Variants in CCDC192 observed in about 807,000 individuals in gnomAD.
The protein encoded by CCDC192 is coiled-coil domain-containing protein 192.
intron 2 of CCDC192, among the ~76,000 whole-genome samples, chr5:127,724,341 T>A (rs984142678): frequency 2.6e-5 from 4 of 152,210 alleles, no homozygotes; most frequent in Non-Finnish European, 5.9e-5. Context: ...AACATCTATG[T>A]CTGTGGTGAC....
intron 6 of CCDC192, among the ~76,000 whole-genome samples, chr5:127,886,867 T>G (rs993702497): frequency 6.6e-6 from 1 of 151,928 alleles, no homozygotes; most frequent in Non-Finnish European, 1.5e-5. Flanking sequence ...GCCAAGGAAA[T>G]GAAAGGATGC....
chr5:127,874,760 T>C (rs1391293864), intron 5 of CCDC192, among the ~76,000 whole-genome samples: 1 of 152,164 alleles, frequency 6.6e-6, no homozygotes, highest in Non-Finnish European at 1.5e-5. Context: ...AAAGCGCAAA[T>C]GCAACACCTT....
chr5:127,741,304 C>G (rs1047398073), intron 2 of CCDC192, among the ~76,000 whole-genome samples: 2 of 152,172 alleles, frequency 1.3e-5, no homozygotes, highest in Admixed American at 1.3e-4. Context: ...CTCGAGAGAT[C>G]TGTCCATCTT....
At chr5:127,719,358 G>A (rs1463698821) in intron 2 of CCDC192, among the ~76,000 whole-genome samples, 1 of 151,004 alleles carries the variant, frequency 6.6e-6, no homozygotes, top group Non-Finnish European at 1.5e-5. Context: ...TGCAATAAAT[G>A]TGGGAGTGCA....
intron 3 of CCDC192, among the ~76,000 whole-genome samples, chr5:127,795,972 C>A (rs2126965606): frequency 6.6e-6 from 1 of 152,246 alleles, no homozygotes; most frequent in South Asian, 2.1e-4. Flanking sequence ...GCATGGCCAG[C>A]AGTTCGTAAC....
upstream of CCDC192, among the ~76,000 whole-genome samples, chr5:127,702,724 T>C (rs1750756785): frequency 6.6e-6 from 1 of 152,224 alleles, no homozygotes; most frequent in Non-Finnish European, 1.5e-5. Flanking sequence ...GCAGGGATCC[T>C]ACCTGTACTT....
intron 5 of CCDC192, among the ~76,000 whole-genome samples, chr5:127,801,837 G>A (rs966030476): frequency 6.6e-6 from 1 of 152,162 alleles, no homozygotes; most frequent in African/African-American, 2.4e-5. Context: ...GGTTGAGAAA[G>A]CTCCATCCAG....
chr5:127,771,580 G>T (rs781008367), intron 3 of CCDC192, among the ~76,000 whole-genome samples: 1 of 152,178 alleles, frequency 6.6e-6, no homozygotes, highest in South Asian at 2.1e-4. Flanking sequence ...GTGGATTGGG[G>T]GGTAGGGTAC....
intron 6 of CCDC192, among the ~76,000 whole-genome samples, chr5:127,917,477 T>C (rs1753556100): frequency 6.6e-6 from 1 of 152,220 alleles, no homozygotes; most frequent in African/African-American, 2.4e-5. Context: ...CTTTTCTAGC[T>C]TTTGATTTAA....
chr5:127,835,917 T>G (rs950713580), intron 5 of CCDC192, among the ~76,000 whole-genome samples: 11 of 152,120 alleles, frequency 7.2e-5, no homozygotes, highest in African/African-American at 2.4e-4. Context: ...CCCTCCCAAA[T>G]TTCATGTCCT....
At chr5:127,822,712 G>A (rs1485506402) in intron 5 of CCDC192, among the ~76,000 whole-genome samples, 1 of 152,130 alleles carries the variant, frequency 6.6e-6, no homozygotes, top group African/African-American at 2.4e-5. Context: ...GCTCCAGGAA[G>A]GACAAAGATC....
At chr5:127,787,492 G>T (rs1238278483) in intron 3 of CCDC192, among the ~76,000 whole-genome samples, 1 of 152,120 alleles carries the variant, frequency 6.6e-6, no homozygotes, top group African/African-American at 2.4e-5. Flanking sequence ...TTGTCCCACT[G>T]GTTGTTTAAG....
chr5:127,913,113 T>C lies in CCDC192; in HGVS notation c.536-28069T>C, dbSNP rs75225461. Among the ~76,000 whole-genome samples the C allele has an allele frequency of 3.5e-3, 530 of 152,312 alleles. 3 individuals carry two copies. Among genetic ancestry groups the C allele is most frequent in the African/African-American group, 0.012 (497 of 41,560 alleles). On this transcript the variant is annotated intron_variant, in intron 6 of 6. Transcript: ENST00000514853. ...AAATGGTTTTGGGGTCAAGCAGATATGAACTTAAGTCCCAGCTCCATAATT... is the reference window on the plus strand; with the variant it reads ...AAATGGTTTTGGGGTCAAGCAGATACGAACTTAAGTCCCAGCTCCATAATT...
Position 127,794,394 on chromosome 5 carries a change from A to G in CCDC192, c.223-2709A>G, listed in dbSNP as rs183325742. ...GTTGAAACTCAACTTCTTTATCTGC[A>G]AAATGGGAGCTATAATAGAATGAAC... is the stretch of plus-strand genomic sequence containing the variant. On this transcript the variant is annotated intron_variant, in intron 3 of 6. Transcript: ENST00000514853. 9.8e-5 allele frequency among the ~76,000 whole-genome samples: 15 copies of G among 152,340 alleles called. No homozygotes were observed. The East Asian group carries it at 1.9e-3, about 20-fold the overall frequency.
intron 5 of CCDC192, among the ~76,000 whole-genome samples, chr5:127,862,228 A>T (rs1309223827): frequency 1.3e-5 from 2 of 152,202 alleles, no homozygotes; most frequent in African/African-American, 4.8e-5. Flanking sequence ...TTTCTCTCTC[A>T]AGCTGAAACT....
intron 2 of CCDC192, among the ~76,000 whole-genome samples, chr5:127,735,319 T>C (rs1752909104): frequency 1.4e-5 from 2 of 142,910 alleles, no homozygotes; most frequent in African/African-American, 2.7e-5. Context: ...CATGCTGTTT[T>C]GGTTACTGTA....
chr5:127,816,776 G>T (rs1197111072), intron 5 of CCDC192, among the ~76,000 whole-genome samples: 1 of 152,188 alleles, frequency 6.6e-6, no homozygotes, highest in Non-Finnish European at 1.5e-5. Context: ...AGAAAGTGAG[G>T]TCTCAAGGTG....
chr5:127,922,511 G>A (rs1338155618), intron 6 of CCDC192, among the ~76,000 whole-genome samples: 5 of 152,250 alleles, frequency 3.3e-5, no homozygotes, highest in Admixed American at 3.3e-4. Context: ...GGCCAAGGCA[G>A]GCAGATCGCT....
At chr5:127,826,193 C>G (rs548448457) in intron 5 of CCDC192, among the ~76,000 whole-genome samples, 110 of 152,180 alleles carry the variant, frequency 7.2e-4, no homozygotes, top group African/African-American at 2.6e-3. Context: ...TGTTCCACAT[C>G]ACTAATATCA....
Sources: gnomAD v4.1 joint callset for allele counts (sites outside exome capture counted in the v4.1 genomes callset) on GRCh38, gnomAD v4.1.1 for gene constraint, MANE v1.5 for transcripts, NCBI Gene and HGNC (gene_info 2026-07-23, HGNC 2026-07-21) for gene names.